The following AP3B1 variants were observed in gnomAD, a reference collection of about 807,000 sequenced individuals.
AP3B1 encodes the protein adaptor related protein complex 3 subunit beta 1.
A neutral mutation model predicts 132.5 loss-of-function variants in AP3B1; 61 were observed. The ratio of observed to expected loss-of-function variants is 0.46; its 90% confidence interval spans 0.37 to 0.57. AP3B1 has a LOEUF of 0.57. Ranked by LOEUF, AP3B1 falls within the 20% of genes least tolerant of loss-of-function variation. The pLI, the probability that AP3B1 is intolerant of heterozygous loss-of-function variation, is 0.00. For missense variants in AP3B1, 1,120 were observed against 1,289.4 expected (o/e 0.87, Z 2.01); for synonymous variants, 388 against 438.3 (o/e 0.89, Z 1.43).
intron 14 of AP3B1, among the ~76,000 whole-genome samples, chr5:78,147,532 A>G (rs892561457): frequency 2.5e-4 from 38 of 151,780 alleles, no homozygotes; most frequent in Admixed American, 2.2e-3. Flanking sequence ...TTTATTTTAC[A>G]TTTGTTTTCT....
At chr5:78,140,310 C>T (rs983395430) in intron 15 of AP3B1, among the ~76,000 whole-genome samples, 1 of 152,144 alleles carries the variant, frequency 6.6e-6, no homozygotes, top group African/African-American at 2.4e-5. Context: ...GCATACAAGC[C>T]ACTCCATGCG....
intron 7 of AP3B1, among the ~76,000 whole-genome samples, chr5:78,191,922 G>A (rs935806136): frequency 2.6e-5 from 4 of 152,034 alleles, no homozygotes; most frequent in East Asian, 1.9e-4. Flanking sequence ...GTGCAATGGC[G>A]CGATCTCGGC....
chr5:78,123,584 A>G (rs1394612914), intron 17 of AP3B1, among the ~76,000 whole-genome samples: 5 of 152,218 alleles, frequency 3.3e-5, no homozygotes, highest in Admixed American at 1.3e-4. Context: ...GCAGCCAAAA[A>G]ACACATGAAA....
chr5:78,097,800 G>C (rs1447617602), intron 21 of AP3B1, among the ~76,000 whole-genome samples: 3 of 152,206 alleles, frequency 2.0e-5, no homozygotes, highest in African/African-American at 7.2e-5. Context: ...CATTGAGAAC[G>C]GGCCATGATG....
At chr5:78,210,021 T>A (rs1745668673) in intron 7 of AP3B1, among the ~76,000 whole-genome samples, 1 of 152,154 alleles carries the variant, frequency 6.6e-6, no homozygotes, top group Admixed American at 6.6e-5. Flanking sequence ...TAGATCATGG[T>A]CCTTAGTTTC....
intron 21 of AP3B1, among the ~76,000 whole-genome samples, chr5:78,093,088 GA>G (rs1750600043): frequency 6.6e-6 from 1 of 152,216 alleles, no homozygotes; most frequent in South Asian, 2.1e-4. Flanking sequence ...CACTAATTAT[GA>G]TAGCAAAAAA....
intron 15 of AP3B1, among the ~76,000 whole-genome samples, chr5:78,133,428 G>T (rs1251437860): frequency 6.6e-6 from 1 of 152,184 alleles, no homozygotes; most frequent in Non-Finnish European, 1.5e-5. Flanking sequence ...TATGGCAGAA[G>T]ATAGAAGACC....
At position 78,120,936 on chromosome 5, in the gene AP3B1, G is replaced by C. The variant is rs1002208085; in HGVS notation, c.1969-4702C>G. Among the ~76,000 whole-genome samples the C allele has an allele frequency of 2.0e-4, 31 of 152,220 alleles. No individual in the cohort carries two copies. In the East Asian group the frequency reaches 3.9e-3, roughly 19 times the overall value. ...CACCTATTCCAAAATTGACCACATA[G>C]TTGGAAGTAAAGCACTCCTCAGCAA... On this transcript the variant is annotated intron_variant, in intron 17 of 26. Coordinates refer to ENST00000255194, the MANE Select transcript of AP3B1 (RefSeq NM_003664.5).
At chr5:78,246,320 T>C (rs1747378457) in intron 2 of AP3B1, among the ~76,000 whole-genome samples, 1 of 152,236 alleles carries the variant, frequency 6.6e-6, no homozygotes, top group African/African-American at 2.4e-5. Flanking sequence ...TGATTTACTC[T>C]CCATCCAATC....
intron 1 of AP3B1, among the ~76,000 whole-genome samples, chr5:78,275,495 G>T (rs79466230): frequency 0.063 from 9,492 of 149,508 alleles, 453 homozygotes; most frequent in East Asian, 0.13. Context: ...TTTTTTTTTT[G>T]GGGGACAGTC....
intron 22 of AP3B1, among the ~76,000 whole-genome samples, chr5:78,070,409 GAA>G (rs70997966): frequency 8.4e-4 from 111 of 131,382 alleles, no homozygotes; most frequent in East Asian, 2.0e-3. Flanking sequence ...TCCATCTCAA[GAA>G]AAAAAAAAAA....
At chr5:78,240,713 G>A (rs577164237) in intron 3 of AP3B1, 149 bp downstream of exon 3, 28 of 601,502 alleles carry the variant, frequency 4.7e-5, no homozygotes, top group Non-Finnish European at 7.7e-5. Flanking sequence ...CTTTTTATTT[G>A]ATCTTACCTA....
Position 78,110,212 on chromosome 5 carries a change from T to G in AP3B1, c.2392A>C (p.Thr798Pro). The G allele has an allele frequency of 6.2e-7, 1 of 1,603,518 alleles. No homozygotes were observed. The highest frequency in any genetic ancestry group is 2.2e-5 in the East Asian group (1 of 44,738). Residue 798 changes from threonine (T) to proline (P), a missense_variant, in exon 20 of 27, where the codon ACT becomes CCT. Transcript: ENST00000255194. ...PESESESRRVTKEKEKKTKQD... is the reference protein window; with the variant it reads ...PESESESRRVPKEKEKKTKQD... ...ACAAATGTATAATCTCTTACCTTAG[T>G]GACTCTTCTGGATTCAGATTCACTT...
At chr5:78,021,779 T>G (rs1362580849) in intron 24 of AP3B1, among the ~76,000 whole-genome samples, 2 of 152,202 alleles carry the variant, frequency 1.3e-5, no homozygotes, top group Non-Finnish European at 2.9e-5. Flanking sequence ...ACATGGCTGC[T>G]GTATCTCCAG....
At chr5:78,018,322 T>TTA (rs1012456243) in intron 25 of AP3B1, among the ~76,000 whole-genome samples, 6 of 151,452 alleles carry the variant, frequency 4.0e-5, no homozygotes, top group East Asian at 3.9e-4. Context: ...ACCAATCTTA[T>TTA]TATATATATA....
At chr5:78,076,543 C>T (rs1749775046) in intron 22 of AP3B1, among the ~76,000 whole-genome samples, 1 of 152,144 alleles carries the variant, frequency 6.6e-6, no homozygotes, top group African/African-American at 2.4e-5. Context: ...TGACAGGTCC[C>T]TCAGATAGCT....
chr5:78,169,079 AT>A (rs1743792234), intron 11 of AP3B1, among the ~76,000 whole-genome samples: 1 of 152,030 alleles, frequency 6.6e-6, no homozygotes, highest in Non-Finnish European at 1.5e-5. Flanking sequence ...TATATGGTAC[AT>A]TTTTGCGTGT....
In AP3B1 at chr5:78,175,832, C is replaced by T. The variant is rs765066481; in HGVS notation, c.1047G>A (p.Val349=). The T allele has an allele frequency of 8.7e-6, 14 of 1,609,886 alleles. No homozygotes were observed. In the Admixed American group the frequency reaches 2.3e-4, roughly 27 times the overall value. Residue 349 remains valine (V), a synonymous_variant, in exon 10 of 27, where the codon GTG becomes GTA. Coordinates refer to ENST00000255194, the MANE Select transcript of AP3B1 (RefSeq NM_003664.5). ...LVRLLRSNRE[V]QYIVLQNIAT... is the part of the protein sequence containing the mutation. ...CTATATTTTGTAGGACAATATACTGCACCTCCCTAGAAATCAAAAGATAAT... is the reference window on the plus strand; with the variant it reads ...CTATATTTTGTAGGACAATATACTGTACCTCCCTAGAAATCAAAAGATAAT...
chr5:78,158,924 C>T (rs1480847906), intron 13 of AP3B1, among the ~76,000 whole-genome samples: 1 of 152,122 alleles, frequency 6.6e-6, no homozygotes, highest in Non-Finnish European at 1.5e-5. Context: ...TCTTGAACTC[C>T]TGACCTCAGG....
Sources: allele counts gnomAD v4.1 joint callset (sites outside exome capture counted in the v4.1 genomes callset), GRCh38; gene constraint gnomAD v4.1.1; transcripts MANE v1.5; gene names NCBI Gene and HGNC (gene_info 2026-07-23, HGNC 2026-07-21).